The following INTS12 variants were observed in gnomAD, a reference collection of about 807,000 sequenced individuals.
INTS12 encodes the protein integrator complex subunit 12, also known as PHD finger protein 22.
In INTS12, 13 loss-of-function variants were observed where a neutral mutation model predicts 41.6. That is an observed-to-expected ratio of 0.31 (90% CI 0.20 to 0.50). The LOEUF (loss-of-function observed/expected upper bound fraction) is 0.50, where lower values mean the gene tolerates loss of function less well. Ranked by LOEUF, INTS12 falls within the 20% of genes least tolerant of loss-of-function variation. The pLI is 0.98. For missense variants in INTS12, 432 were observed against 541.6 expected, an observed-to-expected ratio of 0.80 and a Z score of 2.01; for synonymous variants, 199 against 191.4, an observed-to-expected ratio of 1.04 and a Z score of -0.33.
intron 3 of INTS12, among the ~76,000 whole-genome samples, chr4:105,698,183 T>C (rs1021418858): frequency 1.3e-5 from 2 of 152,262 alleles, no homozygotes; most frequent in Non-Finnish European, 2.9e-5. Flanking sequence ...AGTTAAGTTT[T>C]AACTCCATTA....
chr4:105,695,062 G>A (rs1731813934), intron 4 of INTS12, among the ~76,000 whole-genome samples: 1 of 118,770 alleles, frequency 8.4e-6, no homozygotes, highest in Non-Finnish European at 1.7e-5. Flanking sequence ...ACAAACAGCT[G>A]GGACTACAGG....
chr4:105,697,389 C>T lies in INTS12; in HGVS notation c.157-1721G>A, dbSNP rs1578388282. ...AAGTATAAATGGGAATAATACACAA[C>T]AATTTCAGAATAGTGGTTACCTCTG... is the stretch of plus-strand genomic sequence containing the variant. On this transcript the variant is annotated intron_variant, in intron 3 of 7. Transcript: ENST00000340139. Among the ~76,000 whole-genome samples the T allele has an allele frequency of 2.0e-5, 3 of 151,952 alleles. No homozygotes were observed. The South Asian group carries it at 6.2e-4, about 32-fold the overall frequency.
chr4:105,706,792 G>A (rs185695621), intron 1 of INTS12, among the ~76,000 whole-genome samples: 18 of 152,114 alleles, frequency 1.2e-4, no homozygotes, highest in East Asian at 7.7e-4. Context: ...GGATTCTGAC[G>A]GCAATATTTT....
At chr4:105,685,461 T>C (rs187797062) in intron 7 of INTS12, among the ~76,000 whole-genome samples, 31 of 152,290 alleles carry the variant, frequency 2.0e-4, no homozygotes, top group Admixed American at 7.8e-4. Context: ...ATAATGGATA[T>C]GCCTTGGATA....
chr4:105,684,538 AG>A (rs1731437066), intron 7 of INTS12, among the ~76,000 whole-genome samples: 1 of 152,102 alleles, frequency 6.6e-6, no homozygotes, highest in Admixed American at 6.5e-5. Flanking sequence ...CAATGTGAAA[AG>A]TAACAAAAAT....
At chr4:105,695,106 T>C (rs1050801248) in intron 4 of INTS12, among the ~76,000 whole-genome samples, 6 of 145,590 alleles carry the variant, frequency 4.1e-5, no homozygotes, top group African/African-American at 1.3e-4. Flanking sequence ...TTTTTGTATT[T>C]TTTGTAGAGA....
rs950826694 is a variant in INTS12 at position 105,702,130 on chromosome 4, CTTTTTTTTTT to C, written c.-10+1508_-10+1517del. Among the ~76,000 whole-genome samples the C allele has an allele frequency of 2.7e-5, 3 of 109,508 alleles. No homozygotes were observed. In the Admixed American group the frequency reaches 3.1e-4, roughly 11 times the overall value. The allele number at this position is 109,508 out of a possible 152,430, so 71.8% of individuals were successfully genotyped here. A position where few individuals can be genotyped will look rare whatever the true frequency, so the allele number is the denominator to read the frequency against. On this transcript the variant is annotated intron_variant, in intron 2 of 7. Transcript: ENST00000340139. ...TTAACTTTTTAATTTATTTCTATTTCTTTTTTTTTTTTTTTTTTTTTTTGAGACAGAGTCT... is the reference window on the plus strand; with the variant it reads ...TTAACTTTTTAATTTATTTCTATTTCTTTTTTTTTTTTTGAGACAGAGTCT...
At chr4:105,704,174 A>G (rs887222148) in intron 1 of INTS12, among the ~76,000 whole-genome samples, 1 of 152,082 alleles carries the variant, frequency 6.6e-6, no homozygotes, top group African/African-American at 2.4e-5. Flanking sequence ...AATTCTTGCA[A>G]TTCAGCCTTT....
At chr4:105,687,436 C>A (rs1011256111) in intron 6 of INTS12, among the ~76,000 whole-genome samples, 13 of 152,162 alleles carry the variant, frequency 8.5e-5, no homozygotes, top group African/African-American at 2.9e-4. Flanking sequence ...TTTTCACCCA[C>A]TATTATTTTA....
intron 4 of INTS12, among the ~76,000 whole-genome samples, 168 bp downstream of exon 4, chr4:105,695,348 T>G (rs1731824180): frequency 6.6e-6 from 1 of 152,170 alleles, no homozygotes. Context: ...TTTTACTCAT[T>G]TTTTGAAAAG....
chr4:105,694,928 C>T (rs368870007), intron 4 of INTS12, among the ~76,000 whole-genome samples: 5 of 151,796 alleles, frequency 3.3e-5, no homozygotes, highest in African/African-American at 1.2e-4. Context: ...TTCTTTCTTG[C>T]TTTCCTTTTT....
At chr4:105,686,936 G>T in intron 6 of INTS12, 98 bp from the exon 7 acceptor site, 2 of 1,042,932 alleles carry the variant, frequency 1.9e-6, no homozygotes, top group Non-Finnish European at 2.9e-6. Flanking sequence ...ATGAAATACA[G>T]TTGAACATTT....
intron 4 of INTS12, among the ~76,000 whole-genome samples, chr4:105,693,768 A>T (rs1731768852): frequency 6.6e-6 from 1 of 152,198 alleles, no homozygotes; most frequent in African/African-American, 2.4e-5. Context: ...AGAATTATGG[A>T]AGATCGATGG....
In INTS12 at chr4:105,686,816, G is replaced by T. The variant is rs368243689; in HGVS notation, c.680C>A (p.Pro227Gln). ...KRMAQKTQKP[P>Q]QKPAPAVVSV... The stretch of plus-strand genomic sequence containing the variant: ...AACAACTGCAGGGGCTGGTTTCTGC[G>T]GTGGTTTCTGAGTTTTTTGAGCCTG... The change falls in exon 7 of 8, where the codon CCG (proline) becomes CAG (glutamine). Residue 227 changes from proline (P) to glutamine (Q), a missense_variant. This residue lies in a region of INTS12 where 258 missense variants were observed against 309.9 expected (regional missense o/e 0.83). Transcript: ENST00000340139. 6.2e-7 allele frequency: 1 copy of T among 1,613,560 alleles called. No homozygotes were observed. Among genetic ancestry groups the T allele is most frequent in the East Asian group, 2.2e-5 (1 of 44,846 alleles).
chr4:105,695,149 G>A (rs1731816864), intron 4 of INTS12, among the ~76,000 whole-genome samples: 1 of 150,892 alleles, frequency 6.6e-6, no homozygotes, highest in Non-Finnish European at 1.5e-5. Context: ...GGCTGATCTT[G>A]AACTCCTGAG....
Position 105,683,069 on chromosome 4 carries a change from ATTGGAACCTATT to A in INTS12, c.1041_1052del (p.Lys347_Ser350del). On this transcript the variant is annotated inframe_deletion, in exon 8 of 8. Transcript: ENST00000340139. The stretch of plus-strand genomic sequence containing the variant: ...AAGGTACAGTGGGCGTAGTGCTGTT[ATTGGAACCTATT>A]TTGGAACCTATTCCACCTTTGGATG... 3 of 1,614,092 alleles carry A rather than the reference ATTGGAACCTATT, an allele frequency of 1.9e-6. No individual in the cohort carries two copies. Among genetic ancestry groups the A allele is most frequent in the Non-Finnish European group, 2.5e-6 (3 of 1,179,946 alleles).
chr4:105,695,416 C>T (rs1164694389), intron 4 of INTS12, 100 bp downstream of exon 4: 3 of 806,636 alleles, frequency 3.7e-6, no homozygotes, highest in South Asian at 3.7e-5. Flanking sequence ...TATACCTATA[C>T]CCATTATTAT....
At chr4:105,707,624 G>C (rs1396147361) in intron 1 of INTS12, among the ~76,000 whole-genome samples, 12 of 152,136 alleles carry the variant, frequency 7.9e-5, no homozygotes, top group Admixed American at 7.9e-4. Flanking sequence ...CACGACTGGG[G>C]ACTTGTAGTA....
intron 3 of INTS12, among the ~76,000 whole-genome samples, chr4:105,697,052 T>C (rs1043991240): frequency 6.6e-6 from 1 of 152,248 alleles, no homozygotes; most frequent in Non-Finnish European, 1.5e-5. Context: ...AATCTGTTTG[T>C]TTTATTACTA....
Sources: gnomAD v4.1 joint callset for allele counts (sites outside exome capture counted in the v4.1 genomes callset) on GRCh38, gnomAD v4.1.1 for gene constraint, gnomAD v4.1.1 regional missense constraint, MANE v1.5 for transcripts, NCBI Gene and HGNC (gene_info 2026-07-23, HGNC 2026-07-21) for gene names.